CMSS1: variants seen among roughly 807,000 people sequenced by gnomAD.
The protein encoded by CMSS1 is protein CMSS1.
A neutral mutation model predicts 43.5 loss-of-function variants in CMSS1; 33 were observed. The observed-to-expected ratio is 0.76, with a 90% CI of 0.57 to 1.01. CMSS1 has a LOEUF of 1.01. Ranked by LOEUF, CMSS1 falls within the 50% of genes least tolerant of loss-of-function variation. The pLI, the probability that CMSS1 is intolerant of heterozygous loss-of-function variation, is 0.00. For synonymous variants in CMSS1, 115 were observed against 117.2 expected (o/e 0.98, Z 0.12); for missense variants, 313 against 326.4 (o/e 0.96, Z 0.32).
At position 100,156,917 on chromosome 3, in the gene CMSS1, T is replaced by C. The variant is rs188833545; in HGVS notation, c.154-3513T>C. ...GGTGTGAGCCACCACGCCTGGCTGT[T>C]TTTTGTTGTTGTTGTTGTTGTTGAG... On this transcript the variant is annotated intron_variant, in intron 2 of 9. Transcript: ENST00000421999. 5.9e-5 allele frequency among the ~76,000 whole-genome samples: 9 copies of C among 152,178 alleles called. No homozygotes were observed. The East Asian group carries it at 1.7e-3, about 29-fold the overall frequency.
At chr3:99,820,760 TCTTTA>T (rs1239865343) in intron 1 of CMSS1, among the ~76,000 whole-genome samples, 1 of 152,222 alleles carries the variant, frequency 6.6e-6, no homozygotes, top group Non-Finnish European at 1.5e-5. Context: ...CTTCTTGAAG[TCTTTA>T]CTTAAGTTAT....
At chr3:100,070,555 A>T (rs750931387) in intron 1 of CMSS1, among the ~76,000 whole-genome samples, 6 of 152,222 alleles carry the variant, frequency 3.9e-5, no homozygotes, top group Non-Finnish European at 7.3e-5. Context: ...ATGGGGTTGT[A>T]ATAAGATACT....
chr3:100,155,762 G>T (rs2107522616), intron 2 of CMSS1, among the ~76,000 whole-genome samples: 1 of 152,226 alleles, frequency 6.6e-6, no homozygotes, highest in East Asian at 1.9e-4. Flanking sequence ...TTGATACTTT[G>T]GCTGGGTATA....
At chr3:100,124,736 C>A (rs575079164) in intron 1 of CMSS1, among the ~76,000 whole-genome samples, 41 of 152,308 alleles carry the variant, frequency 2.7e-4, no homozygotes, top group African/African-American at 9.6e-4. Context: ...GGACAGCACT[C>A]CTCAGCGAGG....
intron 1 of CMSS1, among the ~76,000 whole-genome samples, chr3:99,938,654 G>C (rs1006242559): frequency 3.9e-5 from 6 of 152,156 alleles, no homozygotes; most frequent in Non-Finnish European, 7.3e-5. Flanking sequence ...AGATTATGGG[G>C]TTCTCAGCAG....
At chr3:99,855,569 C>G (rs1298182885) in intron 1 of CMSS1, among the ~76,000 whole-genome samples, 3 of 152,126 alleles carry the variant, frequency 2.0e-5, no homozygotes, top group African/African-American at 7.2e-5. Context: ...TGTGCGATTT[C>G]CCCACATTAT....
intron 1 of CMSS1, among the ~76,000 whole-genome samples, chr3:99,894,261 A>T (rs187668790): frequency 6.6e-6 from 1 of 152,198 alleles, no homozygotes; most frequent in African/African-American, 2.4e-5. Flanking sequence ...AAGGGAGAAG[A>T]TCTGTATCTG....
At chr3:100,165,619 G>A (rs765659547) in intron 4 of CMSS1, among the ~76,000 whole-genome samples, 3 of 151,910 alleles carry the variant, frequency 2.0e-5, no homozygotes, top group Admixed American at 6.6e-5. Context: ...ATATTCCAGC[G>A]TTTCCATCTA....
chr3:99,871,989 T>C (rs1944812103), intron 1 of CMSS1, among the ~76,000 whole-genome samples: 1 of 152,180 alleles, frequency 6.6e-6, no homozygotes, highest in Non-Finnish European at 1.5e-5. Context: ...CCTTTCTACT[T>C]TCTTTTTTTA....
At chr3:100,105,151 C>T (rs1288327441) in intron 1 of CMSS1, among the ~76,000 whole-genome samples, 1 of 152,168 alleles carries the variant, frequency 6.6e-6, no homozygotes, top group Non-Finnish European at 1.5e-5. Flanking sequence ...CCTCTAACAG[C>T]ATACAAACAT....
chr3:100,000,930 T>TTTAA lies in CMSS1; in HGVS notation c.65-146043_65-146042insTTAA, dbSNP rs542665390. Among the ~76,000 whole-genome samples, 228 of 152,334 alleles carry TTTAA rather than the reference T, an allele frequency of 1.5e-3. 1 individual carries two copies. The highest frequency in any genetic ancestry group is 2.2e-3 in the Non-Finnish European group (148 of 68,032). ...TGTAGTTGACCTACGGCAAGACACTTGTAAGAGTAGCTCCTTGATTTAATG... is the reference window on the plus strand; with the variant it reads ...TGTAGTTGACCTACGGCAAGACACTTTTAAGTAAGAGTAGCTCCTTGATTTAATG... On this transcript the variant is annotated intron_variant, in intron 1 of 9. Transcript: ENST00000421999.
chr3:100,167,106 T>A (rs1274414517), intron 5 of CMSS1, among the ~76,000 whole-genome samples: 1 of 152,196 alleles, frequency 6.6e-6, no homozygotes, highest in East Asian at 1.9e-4. Context: ...AACTGTTCAT[T>A]TATTCATGGC....
At chr3:100,118,779 G>C (rs551041173) in intron 1 of CMSS1, among the ~76,000 whole-genome samples, 25 of 152,228 alleles carry the variant, frequency 1.6e-4, no homozygotes, top group African/African-American at 5.5e-4. Context: ...ATAGGTATCT[G>C]TATGGGGAGG....
At chr3:100,088,187 T>G (rs2066045423) in intron 1 of CMSS1, among the ~76,000 whole-genome samples, 1 of 152,204 alleles carries the variant, frequency 6.6e-6, no homozygotes. Flanking sequence ...ATTTGGGAGC[T>G]TGCTGGGATG....
intron 5 of CMSS1, among the ~76,000 whole-genome samples, chr3:100,167,315 C>T (rs1008799519): frequency 6.6e-6 from 1 of 152,256 alleles, no homozygotes; most frequent in South Asian, 2.1e-4. Flanking sequence ...AGCACCATGT[C>T]AGTATTTAGT....
intron 1 of CMSS1, among the ~76,000 whole-genome samples, chr3:99,841,749 T>C (rs1943141781): frequency 6.6e-6 from 1 of 152,180 alleles, no homozygotes; most frequent in Non-Finnish European, 1.5e-5. Context: ...ACATCACTAA[T>C]TATCAGGGAA....
At chr3:100,054,669 A>T (rs1559741230) in intron 1 of CMSS1, among the ~76,000 whole-genome samples, 1 of 152,078 alleles carries the variant, frequency 6.6e-6, no homozygotes, top group African/African-American at 2.4e-5. Flanking sequence ...GGACAACTGG[A>T]TCAAAGGAGG....
chr3:99,928,815 C>T (rs1707379558), intron 1 of CMSS1, among the ~76,000 whole-genome samples: 2 of 152,322 alleles, frequency 1.3e-5, no homozygotes, highest in Non-Finnish European at 2.9e-5. Context: ...ACAGTATTCA[C>T]TTGAATGCAG....
chr3:99,985,840 C>T lies in CMSS1; in HGVS notation c.65-161133C>T, dbSNP rs991510353. 3.3e-5 allele frequency among the ~76,000 whole-genome samples: 5 copies of T among 152,146 alleles called. No homozygotes were observed. The South Asian group carries it at 8.3e-4, about 25-fold the overall frequency. On this transcript the variant is annotated intron_variant, in intron 1 of 9. Transcript: ENST00000421999. ...CTGACCTCAGGTGATCCACCCACCT[C>T]GGCCTCCCAAAGTACTGGGATTACA...
Sources: gnomAD v4.1 joint callset for allele counts (sites outside exome capture counted in the v4.1 genomes callset) on GRCh38, gnomAD v4.1.1 for gene constraint, MANE v1.5 for transcripts, NCBI Gene and HGNC (gene_info 2026-07-23, HGNC 2026-07-21) for gene names.